The following STPG2 variants were observed in gnomAD, a reference collection of about 807,000 sequenced individuals.
The protein encoded by STPG2 is sperm tail PG-rich repeat containing 2, also known as sperm-tail PG-rich repeat-containing protein 2.
STPG2 carries 56 observed loss-of-function variants against 54.2 expected under a neutral mutation model. That is an observed-to-expected ratio of 1.03 (90% CI 0.83 to 1.29). The LOEUF is 1.29. Among genes scored for constraint, STPG2 ranks in the 50% most tolerant of loss-of-function variants. STPG2 has a pLI of 0.00. For missense variants in STPG2, 596 were observed against 544.9 expected (o/e 1.09, Z -0.93); for synonymous variants, 200 against 181.8 (o/e 1.10, Z -0.81).
chr4:97,729,006 A>G (rs1427691368), intron 9 of STPG2, among the ~76,000 whole-genome samples: 1 of 151,348 alleles, frequency 6.6e-6, no homozygotes, highest in Non-Finnish European at 1.5e-5. Context: ...AGAGACAGAG[A>G]CAAAGACAGA....
intron 4 of STPG2, among the ~76,000 whole-genome samples, chr4:97,445,728 A>G (rs1729205179): frequency 6.6e-6 from 1 of 152,220 alleles, no homozygotes; most frequent in Non-Finnish European, 1.5e-5. Context: ...ATCTATATGA[A>G]TTTGATCTAC....
At chr4:97,530,406 T>C (rs1343176036) in intron 4 of STPG2, among the ~76,000 whole-genome samples, 1 of 152,214 alleles carries the variant, frequency 6.6e-6, no homozygotes, top group African/African-American at 2.4e-5. Flanking sequence ...TCACTGAGTC[T>C]ATACACTGAC....
chr4:97,912,465 G>A (rs13148324), intron 8 of STPG2, among the ~76,000 whole-genome samples: 56,774 of 152,054 alleles, frequency 0.37, 10,677 homozygotes, highest in Middle Eastern at 0.46. Flanking sequence ...CCAGTTTAGA[G>A]AGAAACATAA....
At chr4:97,898,699 A>G (rs552150538) in intron 8 of STPG2, among the ~76,000 whole-genome samples, 19 of 151,870 alleles carry the variant, frequency 1.3e-4, no homozygotes, top group Admixed American at 6.6e-4. Context: ...TTTAATTATT[A>G]GATTACAAAC....
chr4:98,127,317 A>G (rs1017101153), intron 3 of STPG2, among the ~76,000 whole-genome samples: 6 of 152,186 alleles, frequency 3.9e-5, no homozygotes, highest in African/African-American at 1.4e-4. Context: ...GAAATAAGTT[A>G]CAATTAAAAT....
intron 4 of STPG2, among the ~76,000 whole-genome samples, chr4:97,529,514 A>G (rs1190078547): frequency 1.3e-5 from 2 of 152,000 alleles, no homozygotes; most frequent in Admixed American, 6.6e-5. Context: ...GTTAGGGAGG[A>G]GTCCCTCTTT....
chr4:98,073,400 A>T (rs1738065741), intron 5 of STPG2, among the ~76,000 whole-genome samples: 1 of 150,750 alleles, frequency 6.6e-6, no homozygotes, highest in Non-Finnish European at 1.5e-5. Context: ...CATAACATTG[A>T]TAATTCAATA....
intron 10 of STPG2, among the ~76,000 whole-genome samples, chr4:97,690,832 G>A (rs976082548): frequency 6.6e-6 from 1 of 152,084 alleles, no homozygotes; most frequent in Non-Finnish European, 1.5e-5. Context: ...CTGAAAAACT[G>A]TGAGTAGAAG....
chr4:97,442,858 C>T lies in STPG2; in HGVS notation c.463-255025G>A, dbSNP rs554130443. The stretch of plus-strand genomic sequence containing the variant: ...ATATATTTCCTTAAAAGGGTGTGTG[C>T]TTTTTATAGAATTATGAGTAAATAG... On this transcript the variant is annotated intron_variant, in intron 4 of 4. Transcript: ENST00000522676. Among the ~76,000 whole-genome samples the T allele has an allele frequency of 3.9e-5, 6 of 152,120 alleles. No homozygotes were observed. In the East Asian group the frequency reaches 1.2e-3, roughly 29 times the overall value.
chr4:97,935,874 T>C (rs1340290298), intron 8 of STPG2, among the ~76,000 whole-genome samples: 1 of 152,136 alleles, frequency 6.6e-6, no homozygotes. Flanking sequence ...GGTGGAGAGT[T>C]CTGTAGATAC....
intron 3 of STPG2, among the ~76,000 whole-genome samples, chr4:98,127,521 G>T (rs1039446546): frequency 6.6e-6 from 1 of 152,136 alleles, no homozygotes; most frequent in African/African-American, 2.4e-5. Context: ...CCTTTTCTTT[G>T]CCCAAGGTGT....
chr4:97,957,119 TAC>T (rs770493362), intron 7 of STPG2, among the ~76,000 whole-genome samples: 2 of 130,160 alleles, frequency 1.5e-5, no homozygotes, highest in African/African-American at 5.4e-5. Context: ...ATGTGAAATA[TAC>T]ATGTGAAATA....
intron 9 of STPG2, among the ~76,000 whole-genome samples, chr4:97,750,984 T>G (rs1295254007): frequency 6.6e-6 from 1 of 151,812 alleles, no homozygotes; most frequent in Non-Finnish European, 1.5e-5. Context: ...TTTAGAAAAC[T>G]GAATTCTCAC....
rs190988596 is a variant in STPG2 at position 97,786,780 on chromosome 4, A to G, written c.1204+53993T>C. 1.3e-3 allele frequency among the ~76,000 whole-genome samples: 200 copies of G among 152,070 alleles called. 6 individuals carry two copies. In the East Asian group the frequency reaches 0.038, roughly 29 times the overall value. ...TCTTTGTCCAATGCATTCATGCTAC[A>G]CAGGCTAATATGCCACTCACCTGTT... On this transcript the variant is annotated intron_variant, in intron 9 of 10. Coordinates refer to ENST00000295268, the MANE Select transcript of STPG2 (RefSeq NM_174952.3).
At chr4:97,809,146 T>C (rs965381122) in intron 9 of STPG2, among the ~76,000 whole-genome samples, 1 of 151,838 alleles carries the variant, frequency 6.6e-6, no homozygotes, top group Admixed American at 6.6e-5. Context: ...AAGAAGGAAA[T>C]AAACACAAAA....
intron 8 of STPG2, among the ~76,000 whole-genome samples, chr4:97,919,704 A>AATTC (rs1278738981): frequency 2.0e-5 from 3 of 152,164 alleles, no homozygotes; most frequent in Admixed American, 2.0e-4. Context: ...AAGGTCCAGA[A>AATTC]ACTTTAACAG....
chr4:97,602,162 G>T (rs1374838387), intron 10 of STPG2, among the ~76,000 whole-genome samples: 1 of 151,338 alleles, frequency 6.6e-6, no homozygotes, highest in Admixed American at 6.6e-5. Context: ...TTTTTTCTAT[G>T]TTGTCAACAT....
chr4:98,101,950 T>C (rs967551207), intron 5 of STPG2, among the ~76,000 whole-genome samples: 1 of 148,986 alleles, frequency 6.7e-6, no homozygotes, highest in Non-Finnish European at 1.5e-5. Flanking sequence ...CCTTGCCACT[T>C]AACAATCTTT....
At chr4:97,548,583 A>C (rs1227690140) in intron 4 of STPG2, among the ~76,000 whole-genome samples, 1 of 152,216 alleles carries the variant, frequency 6.6e-6, no homozygotes, top group Non-Finnish European at 1.5e-5. Context: ...ATGAAATAAT[A>C]AAACATCATT....
Sources: gnomAD v4.1 joint callset for allele counts (sites outside exome capture counted in the v4.1 genomes callset) on GRCh38, gnomAD v4.1.1 for gene constraint, MANE v1.5 for transcripts, NCBI Gene and HGNC (gene_info 2026-07-23, HGNC 2026-07-21) for gene names.